The following NACC2 variants were observed in gnomAD, a reference collection of about 807,000 sequenced individuals.
The protein encoded by NACC2 is NACC family member 2, also known as nucleus accumbens-associated protein 2.
A neutral mutation model predicts 25.1 loss-of-function variants in NACC2; 8 were observed. The ratio of observed to expected loss-of-function variants is 0.32; its 90% CI spans 0.19 to 0.57. NACC2 has a LOEUF of 0.57. Among genes scored for constraint, NACC2 ranks in the 20% least tolerant of loss-of-function variants. The pLI is 0.89. For missense variants in NACC2, 644 were observed against 650.2 expected (o/e 0.99, Z 0.10); for synonymous variants, 435 against 294.7 (o/e 1.48, Z -4.88).
chr9:136,039,906 G>A (rs1840602785), intron 2 of NACC2, among the ~76,000 whole-genome samples: 1 of 151,882 alleles, frequency 6.6e-6, no homozygotes, highest in Non-Finnish European at 1.5e-5. Context: ...AGAAATACAA[G>A]GTGTGCAAAC....
chr9:136,088,231 TG>T (rs1203659543), intron 1 of NACC2, among the ~76,000 whole-genome samples: 2 of 152,174 alleles, frequency 1.3e-5, no homozygotes, highest in African/African-American at 4.8e-5. Flanking sequence ...ACGGAGCCTC[TG>T]GGGAGAATCT....
Position 136,013,842 on chromosome 9 carries a change from C to A in NACC2, c.1157+22G>T, listed in dbSNP as rs757836239. ...CCCTCCGCAGCTCCATTGTGCCCTC[C>A]AGCACTCCTGCCCCGACCTACCTGT... On this transcript the variant is annotated intron_variant, in intron 4 of 5. Coordinates refer to ENST00000277554, the MANE Select transcript of NACC2 (RefSeq NM_144653.5). This position sits in a 1 kb window ranked among gnomAD's most constrained non-coding sequence, Gnocchi z 6.6. 10 of 1,605,060 alleles carry A rather than the reference C, an allele frequency of 6.2e-6. 1 individual carries two copies. The highest frequency in any genetic ancestry group is 3.3e-4 in the Middle Eastern group (2 of 6,046).
chr9:136,058,779 G>A (rs1397261823), intron 1 of NACC2, among the ~76,000 whole-genome samples: 3 of 152,234 alleles, frequency 2.0e-5, no homozygotes, highest in South Asian at 2.1e-4. Context: ...CCAGAGATTC[G>A]GAATAGCCCC....
chr9:136,092,745 C>T (rs915162773), intron 1 of NACC2, among the ~76,000 whole-genome samples: 1 of 152,218 alleles, frequency 6.6e-6, no homozygotes, highest in Non-Finnish European at 1.5e-5. Context: ...GTTCGTTACA[C>T]TGGGGTCTGT....
intron 1 of NACC2, among the ~76,000 whole-genome samples, chr9:136,072,130 C>A (rs750516040): frequency 6.6e-6 from 1 of 151,916 alleles, no homozygotes; most frequent in African/African-American, 2.4e-5. Flanking sequence ...CCCAGCCACT[C>A]GGGAGGCTGA....
At chr9:136,016,725 G>A (rs1840209021) in intron 2 of NACC2, among the ~76,000 whole-genome samples, 1 of 152,228 alleles carries the variant, frequency 6.6e-6, no homozygotes. Flanking sequence ...CCCAGGGAAT[G>A]AGCTGCTGAG....
rs1428618124 is a variant in NACC2, at chr9:136,006,682, C to T, written c.*4834G>A. The T allele has an allele frequency of 6.6e-6, 1 of 152,216 alleles. No homozygotes were observed. The highest frequency in any genetic ancestry group is 2.4e-5 in the African/African-American group (1 of 41,454). 9.4% of individuals were successfully genotyped at this position (152,216 alleles called of 1,614,324 possible). A position where few individuals can be genotyped will look rare whatever the true frequency, so the allele number is the denominator to read the frequency against. On this transcript the variant is annotated 3_prime_UTR_variant, in exon 6 of 6. Transcript: ENST00000277554. ...TTGAAGCCCTCGGTTTCCCTGTTCGCTTTTGAATGTTTCAGTTTTAGTTAT... is the reference window on the plus strand; with the variant it reads ...TTGAAGCCCTCGGTTTCCCTGTTCGTTTTTGAATGTTTCAGTTTTAGTTAT...
chr9:136,068,873 T>A (rs1841117474), intron 1 of NACC2, among the ~76,000 whole-genome samples: 1 of 150,134 alleles, frequency 6.7e-6, no homozygotes, highest in Admixed American at 6.6e-5. Flanking sequence ...CCATTAAATG[T>A]AAATGATCTA....
intron 1 of NACC2, among the ~76,000 whole-genome samples, chr9:136,092,625 G>C (rs1830444628): frequency 6.6e-6 from 1 of 152,220 alleles, no homozygotes; most frequent in African/African-American, 2.4e-5. Context: ...CACAATGGGA[G>C]GCTGGTCAGC....
intron 1 of NACC2, among the ~76,000 whole-genome samples, chr9:136,078,272 C>T (rs537822454): frequency 2.0e-5 from 3 of 152,322 alleles, no homozygotes; most frequent in Non-Finnish European, 4.4e-5. Context: ...CCCCACTCGC[C>T]TGCAGGCCAG....
At chr9:136,061,026 A>AG in intron 1 of NACC2, among the ~76,000 whole-genome samples, 2 of 152,270 alleles carry the variant, frequency 1.3e-5, no homozygotes, top group Middle Eastern at 6.8e-3. Context: ...GGTGGGGACA[A>AG]GGGCCCCCTG....
intron 1 of NACC2, among the ~76,000 whole-genome samples, chr9:136,093,733 G>A (rs1023576603): frequency 6.6e-6 from 1 of 152,142 alleles, no homozygotes; most frequent in Admixed American, 6.5e-5. Flanking sequence ...GCCTCTTTAA[G>A]GGAGGGGCTG....
chr9:136,041,320 G>A (rs1840628992), intron 2 of NACC2, among the ~76,000 whole-genome samples: 1 of 152,046 alleles, frequency 6.6e-6, no homozygotes, highest in South Asian at 2.1e-4. Context: ...TACTCAGGAG[G>A]CTGAGGCAGA....
chr9:136,013,729 C>A lies in NACC2; in HGVS notation c.1157+135G>T. On this transcript the variant is annotated intron_variant, in intron 4 of 5. Coordinates refer to ENST00000277554, the MANE Select transcript of NACC2 (RefSeq NM_144653.5). This position sits in a 1 kb window ranked among gnomAD's most constrained non-coding sequence, Gnocchi z 6.6. Reference sequence around the variant, plus strand: ...AGCCTCTCCACCGTCCTGGGGCCGACCGGCCACGGCTGAAGTCAGGAATGC... The same window carrying A: ...AGCCTCTCCACCGTCCTGGGGCCGAACGGCCACGGCTGAAGTCAGGAATGC... 1 of 754,888 alleles carries A rather than the reference C, an allele frequency of 1.3e-6. No individual in the cohort carries two copies. Among genetic ancestry groups the A allele is most frequent in the Non-Finnish European group, 2.1e-6 (1 of 473,862 alleles). 46.8% of individuals were successfully genotyped at this position (754,888 alleles called of 1,614,324 possible). A position where few individuals can be genotyped will look rare whatever the true frequency, so the allele number is the denominator to read the frequency against.
chr9:136,044,113 C>T (rs1215270957), intron 2 of NACC2, among the ~76,000 whole-genome samples: 1 of 152,132 alleles, frequency 6.6e-6, no homozygotes, highest in Non-Finnish European at 1.5e-5. Context: ...GGGTGAGCCA[C>T]CACGCCTGGC....
In NACC2 at chr9:136,011,040, G is replaced by A. The variant is rs904634478; in HGVS notation, c.*476C>T. On this transcript the variant is annotated 3_prime_UTR_variant, in exon 6 of 6. Coordinates refer to ENST00000277554, the MANE Select transcript of NACC2 (RefSeq NM_144653.5). The stretch of plus-strand genomic sequence containing the variant: ...AGGAAAAACGAGGAGTTAGGCCCTG[G>A]AGCCTGAGCCCTGCCCCGTCGCCCC... 3.9e-5 allele frequency: 6 copies of A among 153,502 alleles called. No homozygotes were observed. The highest frequency in any genetic ancestry group is 2.0e-4 in the Admixed American group (3 of 15,328). 9.5% of individuals were successfully genotyped at this position (153,502 alleles called of 1,614,324 possible).
At chr9:136,035,293 C>T (rs1242090806) in intron 2 of NACC2, among the ~76,000 whole-genome samples, 1 of 152,000 alleles carries the variant, frequency 6.6e-6, no homozygotes, top group Non-Finnish European at 1.5e-5. Context: ...AGGAACATCA[C>T]CAATATTGAG....
At chr9:136,067,401 T>C (rs572572585) in intron 1 of NACC2, among the ~76,000 whole-genome samples, 1 of 152,266 alleles carries the variant, frequency 6.6e-6, no homozygotes, top group Non-Finnish European at 1.5e-5. Flanking sequence ...TTCACGATGG[T>C]AATGGTTGCA....
chr9:136,032,974 C>T (rs1209037193), intron 2 of NACC2, among the ~76,000 whole-genome samples: 1 of 151,768 alleles, frequency 6.6e-6, no homozygotes, highest in African/African-American at 2.4e-5. Context: ...GCCGAGATCA[C>T]ACCACTGAAC....
Sources: gnomAD v4.1 joint callset for allele counts (sites outside exome capture counted in the v4.1 genomes callset) on GRCh38, gnomAD v4.1.1 for gene constraint, Gnocchi (gnomAD v3.1) non-coding constraint, MANE v1.5 for transcripts, NCBI Gene and HGNC (gene_info 2026-07-23, HGNC 2026-07-21) for gene names.